POLA1: variants seen among roughly 807,000 people sequenced by gnomAD.
The protein encoded by POLA1 is DNA polymerase alpha catalytic subunit.
In POLA1, 15 loss-of-function variants were observed where a neutral mutation model predicts 124.0. The ratio of observed to expected loss-of-function variants is 0.12; its 90% confidence interval spans 0.08 to 0.19. The LOEUF is 0.19. Among genes scored for constraint, POLA1 ranks in the 10% least tolerant of loss-of-function variants. The probability of loss-of-function intolerance (pLI) is 1.00; values close to 1 mark genes in which losing one functional copy is unlikely to be tolerated. For synonymous variants in POLA1, 408 were observed against 389.4 expected, an observed-to-expected ratio of 1.05 and a Z score of -0.56; for missense variants, 886 against 1,103.4, an observed-to-expected ratio of 0.80 and a Z score of 2.79.
chrX:24,953,810 GA>G (rs1327078603), intron 36 of POLA1, among the ~76,000 whole-genome samples: 1 of 112,029 alleles, frequency 8.9e-6, no homozygotes, highest in East Asian at 2.8e-4. Context: ...AGGTCTAGAG[GA>G]AAATGCTAAA....
chrX:24,857,345 A>G (rs1487686024), intron 34 of POLA1, among the ~76,000 whole-genome samples: 3 of 112,028 alleles, frequency 2.7e-5, no homozygotes, highest in Non-Finnish European at 5.6e-5. Context: ...TAAGTCTTGT[A>G]TAGTGCAATT....
intron 34 of POLA1, among the ~76,000 whole-genome samples, chrX:24,859,459 C>T (rs2046689205): frequency 8.9e-6 from 1 of 112,170 alleles, no homozygotes. Flanking sequence ...TAGCCCACCA[C>T]TTGTGACATC....
At chrX:24,985,953 C>T (rs1379276103) in intron 36 of POLA1, among the ~76,000 whole-genome samples, 1 of 111,416 alleles carries the variant, frequency 9.0e-6, no homozygotes, top group East Asian at 2.8e-4. Flanking sequence ...GGGCAGATCA[C>T]CTGAGGTCAG....
chrX:24,934,715 G>A (rs1299549932), intron 36 of POLA1, among the ~76,000 whole-genome samples: 2 of 111,488 alleles, frequency 1.8e-5, no homozygotes, highest in African/African-American at 6.5e-5. Flanking sequence ...TGTCAGCAAG[G>A]TTGGTCTCTC....
intron 26 of POLA1, among the ~76,000 whole-genome samples, chrX:24,783,999 G>A (rs138447885): frequency 1.8e-5 from 2 of 109,427 alleles, no homozygotes; most frequent in Non-Finnish European, 3.8e-5. Flanking sequence ...GCTTAGTTTT[G>A]GGGGGGAAGA....
chrX:24,850,309 T>C (rs767503840), intron 34 of POLA1, among the ~76,000 whole-genome samples: 1 of 112,246 alleles, frequency 8.9e-6, no homozygotes, highest in Non-Finnish European at 1.9e-5. Flanking sequence ...CAAATCTAAG[T>C]GAATAACAGA....
chrX:24,881,933 G>C (rs1473066549), intron 34 of POLA1, among the ~76,000 whole-genome samples: 1 of 111,653 alleles, frequency 9.0e-6, no homozygotes, highest in Non-Finnish European at 1.9e-5. Context: ...GGGCAGGGGA[G>C]TGGGATGAGG....
chrX:24,763,948 C>T lies in POLA1; in HGVS notation c.2964+14956C>T, dbSNP rs374312849. 8.1e-5 allele frequency among the ~76,000 whole-genome samples: 9 copies of T among 111,517 alleles called. No homozygotes were observed. In the East Asian group the frequency reaches 1.4e-3, roughly 17 times the overall value. On this transcript the variant is annotated intron_variant, in intron 26 of 36. Coordinates refer to ENST00000379068, the MANE Select transcript of POLA1 (RefSeq NM_001330360.2). ...TCACCTAAGTGTCAGAACTGGAATC[C>T]AGGCTCCCTGTTCTGTATACCTGCT...
intron 34 of POLA1, among the ~76,000 whole-genome samples, chrX:24,855,661 C>T (rs2046635464): frequency 8.9e-6 from 1 of 111,826 alleles, no homozygotes; most frequent in Non-Finnish European, 1.9e-5. Context: ...ATCATATCTT[C>T]AATTCATTTC....
intron 36 of POLA1, among the ~76,000 whole-genome samples, chrX:24,934,197 A>C (rs2147220140): frequency 8.9e-6 from 1 of 112,497 alleles, no homozygotes; most frequent in African/African-American, 3.2e-5. Context: ...AATCTCCTTA[A>C]AAATGCAGGA....
chrX:24,720,441 A>C (rs1930135442), intron 10 of POLA1, among the ~76,000 whole-genome samples: 2 of 112,343 alleles, frequency 1.8e-5, no homozygotes, highest in Non-Finnish European at 1.9e-5. Context: ...ATAGTTGTTG[A>C]AATAAACTGC....
chrX:24,733,270 T>C (rs759846943), intron 16 of POLA1, among the ~76,000 whole-genome samples: 3 of 112,367 alleles, frequency 2.7e-5, no homozygotes, highest in Non-Finnish European at 5.6e-5. Context: ...CTGGAAAATA[T>C]GTAGAAGAGA....
chrX:24,817,061 A>G (rs1346542752), intron 30 of POLA1, among the ~76,000 whole-genome samples: 1 of 111,584 alleles, frequency 9.0e-6, no homozygotes, highest in Non-Finnish European at 1.9e-5. Context: ...GTCTAGTATG[A>G]TAGGGGCTGT....
At chrX:24,900,047 G>A (rs991161117) in intron 35 of POLA1, among the ~76,000 whole-genome samples, 1 of 112,047 alleles carries the variant, frequency 8.9e-6, no homozygotes, top group African/African-American at 3.2e-5. Flanking sequence ...TATGCAAAGT[G>A]TTTAATGTAT....
At chrX:24,741,154 T>C (rs111926057) in intron 20 of POLA1, among the ~76,000 whole-genome samples, 218 of 103,269 alleles carry the variant, frequency 2.1e-3, no homozygotes, top group African/African-American at 5.6e-3. Flanking sequence ...TGTGCGCGCG[T>C]GTGTGTGTGT....
intron 36 of POLA1, among the ~76,000 whole-genome samples, chrX:24,934,982 A>C (rs1385139721): frequency 1.8e-5 from 2 of 111,201 alleles, no homozygotes; most frequent in Non-Finnish European, 1.9e-5. Context: ...CGGCCTCCCA[A>C]AGTGCTGGGA....
chrX:24,896,532 G>A (rs770066496), intron 35 of POLA1, among the ~76,000 whole-genome samples: 1 of 112,126 alleles, frequency 8.9e-6, no homozygotes, highest in African/African-American at 3.2e-5. Context: ...CTCATCAGCT[G>A]TTGTTAGTGT....
At chrX:24,971,931 G>GATTTTATTTT (rs61464840) in intron 36 of POLA1, among the ~76,000 whole-genome samples, 17,759 of 86,759 alleles carry the variant, frequency 0.2, 2,154 homozygotes, top group South Asian at 0.29. Context: ...GGATGTGGAA[G>GATTTTATTTT]ATTTTATTTT....
At chrX:24,845,929 A>G (rs755600574) in intron 34 of POLA1, among the ~76,000 whole-genome samples, 3 of 112,155 alleles carry the variant, frequency 2.7e-5, no homozygotes, top group Non-Finnish European at 3.8e-5. Context: ...TTCATGAGAA[A>G]GGGACTCCAG....
Sources: allele counts gnomAD v4.1 joint callset (sites outside exome capture counted in the v4.1 genomes callset), GRCh38; gene constraint gnomAD v4.1.1; transcripts MANE v1.5; gene names NCBI Gene and HGNC (gene_info 2026-07-23, HGNC 2026-07-21).